Variants in MSRB3 observed in about 807,000 individuals in gnomAD.
MSRB3 encodes the protein methionine-R-sulfoxide reductase B3.
Under a neutral mutation model 21.0 loss-of-function variants are expected in MSRB3, and 13 were observed. The observed-to-expected ratio is 0.62, with a 90% CI of 0.40 to 0.98. The LOEUF is 0.98. Ranked by LOEUF, MSRB3 falls within the 50% of genes least tolerant of loss-of-function variation. MSRB3 has a pLI of 0.00. For missense variants in MSRB3, 199 were observed against 230.3 expected (o/e 0.86, Z 0.88); for synonymous variants, 87 against 88.6 (o/e 0.98, Z 0.10).
chr12:65,413,675 T>C (rs568427030), intron 5 of MSRB3, among the ~76,000 whole-genome samples: 7 of 152,296 alleles, frequency 4.6e-5, no homozygotes, highest in Admixed American at 1.3e-4. Flanking sequence ...AAAAATCTCC[T>C]CACTTGTGGA....
rs1044498669 is a variant in MSRB3, at chr12:65,326,254, A to G, written c.77-572A>G. ...CAGAATCTTTATACTTTGAAGGAGT[A>G]TACAGAATCTAGTGAAGTTTCTGAT... On this transcript the variant is annotated intron_variant, in intron 2 of 6. Transcript: ENST00000308259. 2.0e-5 allele frequency among the ~76,000 whole-genome samples: 3 copies of G among 152,224 alleles called. No homozygotes were observed. The South Asian group carries it at 6.2e-4, about 32-fold the overall frequency.
chr12:65,418,904 C>T (rs1450872565), intron 5 of MSRB3: 2 of 734,094 alleles, frequency 2.7e-6, no homozygotes, highest in East Asian at 5.1e-5. Context: ...TCCAGCTTGA[C>T]CTTAATGTTC....
At chr12:65,353,119 T>C (rs1877138307) in intron 4 of MSRB3, among the ~76,000 whole-genome samples, 1 of 152,172 alleles carries the variant, frequency 6.6e-6, no homozygotes, top group Admixed American at 6.6e-5. Context: ...TTCTTTTACA[T>C]TTGGTGAGGA....
At chr12:65,420,263 G>GC (rs1357279760) in intron 5 of MSRB3, among the ~76,000 whole-genome samples, 1 of 151,972 alleles carries the variant, frequency 6.6e-6, no homozygotes, top group African/African-American at 2.4e-5. Flanking sequence ...GTGTTTTTAT[G>GC]CCAGTACCAT....
intron 5 of MSRB3, among the ~76,000 whole-genome samples, chr12:65,397,412 T>C (rs945773357): frequency 3.3e-5 from 5 of 152,206 alleles, no homozygotes; most frequent in African/African-American, 9.7e-5. Flanking sequence ...GCATTGCTAC[T>C]TGTAATCCAC....
At chr12:65,435,334 GT>G (rs1882066926) in intron 5 of MSRB3, among the ~76,000 whole-genome samples, 1 of 151,800 alleles carries the variant, frequency 6.6e-6, no homozygotes, top group African/African-American at 2.4e-5. Flanking sequence ...ACTGTTTTGA[GT>G]TTACTCTTTA....
chr12:65,280,645 C>A (rs972749067), intron 1 of MSRB3, among the ~76,000 whole-genome samples: 1 of 152,054 alleles, frequency 6.6e-6, no homozygotes, highest in Admixed American at 6.5e-5. Flanking sequence ...ATATGAATAT[C>A]TGGAAATTTT....
intron 5 of MSRB3, among the ~76,000 whole-genome samples, chr12:65,429,431 G>A (rs1312737520): frequency 6.6e-6 from 1 of 152,150 alleles, no homozygotes; most frequent in Non-Finnish European, 1.5e-5. Context: ...GAAGACCAGT[G>A]TGGTTGAAGC....
intron 5 of MSRB3, chr12:65,419,322 C>G: frequency 2.6e-6 from 2 of 756,776 alleles, no homozygotes; most frequent in Non-Finnish European, 2.4e-6. Flanking sequence ...CCTCCAAGAT[C>G]AAACCAGAGC....
At chr12:65,422,511 G>C (rs1344241483) in intron 5 of MSRB3, among the ~76,000 whole-genome samples, 1 of 146,118 alleles carries the variant, frequency 6.8e-6, no homozygotes, top group Non-Finnish European at 1.5e-5. Flanking sequence ...GGTAAATGGG[G>C]TATCCATCAC....
chr12:65,381,975 CACAATAGCATGT>C (rs1878962380), intron 5 of MSRB3, among the ~76,000 whole-genome samples: 1 of 151,956 alleles, frequency 6.6e-6, no homozygotes, highest in African/African-American at 2.4e-5. Context: ...TATATTTTCA[CACAATAGCATGT>C]AATAATGTTT....
At chr12:65,394,112 TTG>T (rs1253297626) in intron 5 of MSRB3, among the ~76,000 whole-genome samples, 1 of 152,154 alleles carries the variant, frequency 6.6e-6, no homozygotes, top group African/African-American at 2.4e-5. Flanking sequence ...TAAAACATGT[TTG>T]TATGTATGCA....
intron 2 of MSRB3, among the ~76,000 whole-genome samples, chr12:65,320,108 A>G (rs1874565588): frequency 6.6e-6 from 1 of 152,228 alleles, no homozygotes; most frequent in Non-Finnish European, 1.5e-5. Flanking sequence ...CATCTATAGA[A>G]TATAATTGAA....
intron 5 of MSRB3, among the ~76,000 whole-genome samples, chr12:65,447,909 G>C (rs1355879571): frequency 6.6e-6 from 1 of 152,196 alleles, no homozygotes; most frequent in African/African-American, 2.4e-5. Context: ...AGTTTGTACA[G>C]TTGTGTAATA....
intron 5 of MSRB3, among the ~76,000 whole-genome samples, chr12:65,417,196 T>A (rs1361055731): frequency 6.6e-6 from 1 of 152,308 alleles, no homozygotes; most frequent in Non-Finnish European, 1.5e-5. Context: ...CCTCAGATAT[T>A]TGTCCTATAA....
intron 5 of MSRB3, among the ~76,000 whole-genome samples, chr12:65,432,004 C>G (rs1881899714): frequency 6.6e-6 from 1 of 152,012 alleles, no homozygotes; most frequent in Admixed American, 6.6e-5. Flanking sequence ...ACTTCAGTAT[C>G]TTTGGTTTCT....
At chr12:65,336,782 A>C (rs1875787619) in intron 4 of MSRB3, among the ~76,000 whole-genome samples, 1 of 152,248 alleles carries the variant, frequency 6.6e-6, no homozygotes, top group Non-Finnish European at 1.5e-5. Flanking sequence ...TTTTTTTGTA[A>C]ATGAATAATT....
chr12:65,433,574 T>C (rs1464784837), intron 5 of MSRB3, among the ~76,000 whole-genome samples: 1 of 151,892 alleles, frequency 6.6e-6, no homozygotes, highest in African/African-American at 2.4e-5. Flanking sequence ...CTGGGAATTA[T>C]CACTCTGGCC....
intron 1 of MSRB3, among the ~76,000 whole-genome samples, chr12:65,306,036 G>A (rs1311883986): frequency 3.9e-5 from 6 of 152,120 alleles, no homozygotes; most frequent in African/African-American, 1.4e-4. Flanking sequence ...TTATAAGTGA[G>A]GAAACTGAGG....
Sources: allele counts gnomAD v4.1 joint callset (sites outside exome capture counted in the v4.1 genomes callset), GRCh38; gene constraint gnomAD v4.1.1; transcripts MANE v1.5; gene names NCBI Gene and HGNC (gene_info 2026-07-23, HGNC 2026-07-21).